The following GPAT3 variants were observed in gnomAD, a reference collection of about 807,000 sequenced individuals.
The protein encoded by GPAT3 is 1-AGP acyltransferase 9.
GPAT3 carries 53 observed loss-of-function variants against 58.8 expected under a neutral mutation model. That is an observed-to-expected ratio of 0.90 (90% CI 0.72 to 1.13). The LOEUF (loss-of-function observed/expected upper bound fraction) is 1.13. Ranked by LOEUF, GPAT3 falls within the 50% of genes most tolerant of loss-of-function variation. The pLI is 0.00. For missense variants in GPAT3, 511 were observed against 527.6 expected (o/e 0.97, Z 0.31); for synonymous variants, 197 against 187.4 (o/e 1.05, Z -0.42).
chr4:83,579,266 C>A (rs1181858111), intron 2 of GPAT3, among the ~76,000 whole-genome samples: 31 of 116,094 alleles, frequency 2.7e-4, no homozygotes, highest in African/African-American at 9.3e-4. Flanking sequence ...CCCTTCCCGC[C>A]CCTCCCCTCT....
chr4:83,577,791 T>C (rs958354141), intron 2 of GPAT3, among the ~76,000 whole-genome samples: 1 of 132,866 alleles, frequency 7.5e-6, no homozygotes, highest in Admixed American at 7.5e-5. Context: ...ATTGTGGCTT[T>C]TTTTTTTTTT....
intron 2 of GPAT3, among the ~76,000 whole-genome samples, chr4:83,566,646 C>T (rs1471624410): frequency 6.6e-6 from 1 of 151,628 alleles, no homozygotes; most frequent in Non-Finnish European, 1.5e-5. Context: ...GGAAATACAA[C>T]AACCCATTTT....
At chr4:83,540,169 A>G (rs1724244616) in intron 1 of GPAT3, among the ~76,000 whole-genome samples, 1 of 151,990 alleles carries the variant, frequency 6.6e-6, no homozygotes, top group African/African-American at 2.4e-5. Flanking sequence ...AAAAAAAAAA[A>G]AAAAAAAAGA....
chr4:83,554,458 AG>A (rs2110078093), intron 2 of GPAT3, among the ~76,000 whole-genome samples: 1 of 152,220 alleles, frequency 6.6e-6, no homozygotes, highest in East Asian at 1.9e-4. Flanking sequence ...AAAACTCCAA[AG>A]CTTCTTTATT....
chr4:83,536,681 G>T lies in GPAT3; in HGVS notation c.59G>T (p.Gly20Val). 2 of 1,613,644 alleles carry T rather than the reference G, an allele frequency of 1.2e-6. No homozygotes were observed. Among genetic ancestry groups the T allele is most frequent in the African/African-American group, 1.3e-5 (1 of 75,036 alleles). The change falls in exon 1 of 12, where the codon GGC becomes GTC. Residue 20 changes from glycine to valine, a missense_variant. Gly to Val is a moderately radical substitution (Grantham distance 109). Transcript: ENST00000264409. ...ILSTWLTLVL[G>V]FILLPSVFGV... is the part of the protein sequence containing the mutation. ...TCCACCTGGCTGACGCTGGTTCTCGGCTTCATCCTTTTACCTTCGGTCTTC... is the reference window on the plus strand; with the variant it reads ...TCCACCTGGCTGACGCTGGTTCTCGTCTTCATCCTTTTACCTTCGGTCTTC...
chr4:83,594,900 C>T lies in GPAT3; in HGVS notation c.794C>T (p.Ala265Val), dbSNP rs780918250. 1 of 1,613,986 alleles carries T rather than the reference C, an allele frequency of 6.2e-7. No homozygotes were observed. Among genetic ancestry groups the T allele is most frequent in the Non-Finnish European group, 8.5e-7 (1 of 1,179,906 alleles). Residue 265 changes from alanine (A) to valine (V), a missense_variant, in exon 7 of 12, where the codon GCT (alanine) becomes GTT (valine). Ala to Val is a moderately conservative substitution (Grantham distance 64). Transcript: ENST00000264409. The stretch of plus-strand genomic sequence containing the variant: ...ATTATTCAGAGAGCTATGGTCAAGG[C>T]TTGTCCTCATGTCTGGTTTGAACGC... ...MGIIQRAMVK[A>V]CPHVWFERSE...
intron 2 of GPAT3, among the ~76,000 whole-genome samples, chr4:83,570,710 T>A (rs945135429): frequency 1.3e-5 from 2 of 152,132 alleles, no homozygotes; most frequent in African/African-American, 4.8e-5. Flanking sequence ...TGATCTCAGG[T>A]GATCCACCCG....
chr4:83,581,859 G>T, intron 3 of GPAT3, 27 bp downstream of exon 3: 2 of 1,582,174 alleles, frequency 1.3e-6, no homozygotes, highest in South Asian at 1.2e-5. Context: ...GTAATTTGAT[G>T]ATACGCTTGA....
intron 2 of GPAT3, among the ~76,000 whole-genome samples, chr4:83,554,680 ACTTTCTACTACT>A (rs1308005888): frequency 6.6e-6 from 1 of 151,628 alleles, no homozygotes; most frequent in East Asian, 1.9e-4. Flanking sequence ...CCCTGTTACC[ACTTTCTACTACT>A]GTCTTACTAT....
chr4:83,604,329 C>T (rs1171474376), intron 11 of GPAT3, among the ~76,000 whole-genome samples: 3 of 152,170 alleles, frequency 2.0e-5, no homozygotes, highest in Non-Finnish European at 2.9e-5. Context: ...CCTTGGCCTC[C>T]CAAAGTGCTG....
chr4:83,552,739 G>T lies in GPAT3; in HGVS notation c.208+8137G>T, dbSNP rs571978220. ...GACTGGCATATAACTGTGCTTTATGGACTGAATGTCTATGTCCCCCCCTTC... is the reference window on the plus strand; with the variant it reads ...GACTGGCATATAACTGTGCTTTATGTACTGAATGTCTATGTCCCCCCCTTC... On this transcript the variant is annotated intron_variant, in intron 2 of 11. Coordinates refer to ENST00000264409, the MANE Select transcript of GPAT3 (RefSeq NM_032717.5). Among the ~76,000 whole-genome samples the T allele has an allele frequency of 3.3e-5, 5 of 152,274 alleles. No homozygotes were observed. The South Asian group carries it at 1.0e-3, about 32-fold the overall frequency.
intron 3 of GPAT3, among the ~76,000 whole-genome samples, chr4:83,585,464 T>A (rs1726342882): frequency 6.6e-6 from 1 of 150,680 alleles, no homozygotes; most frequent in Non-Finnish European, 1.5e-5. Flanking sequence ...ATATTTATAC[T>A]TTTTTTTACG....
upstream of GPAT3, chr4:83,535,853 T>C: frequency 2.0e-6 from 2 of 985,418 alleles, no homozygotes; most frequent in Non-Finnish European, 2.4e-6. Flanking sequence ...AAACAAGACC[T>C]CAAGCGTCCC....
chr4:83,574,974 T>C (rs1430115703), intron 2 of GPAT3, among the ~76,000 whole-genome samples: 1 of 150,434 alleles, frequency 6.6e-6, no homozygotes, highest in Non-Finnish European at 1.5e-5. Context: ...CCCCTGGGGT[T>C]CACGCCATTC....
chr4:83,541,976 G>A (rs1474187767), intron 1 of GPAT3, among the ~76,000 whole-genome samples: 1 of 152,130 alleles, frequency 6.6e-6, no homozygotes, highest in Non-Finnish European at 1.5e-5. Context: ...CCCACCCTAA[G>A]GGCTTCTTTT....
chr4:83,576,453 TTTAC>T (rs980433301), intron 2 of GPAT3, among the ~76,000 whole-genome samples: 3 of 149,966 alleles, frequency 2.0e-5, no homozygotes, highest in Non-Finnish European at 3.0e-5. Flanking sequence ...TATTTATTTA[TTTAC>T]TTTTGAGACA....
rs376960951 is a variant in GPAT3 at position 83,594,832 on chromosome 4, A to T, written c.739-13A>T. The T allele has an allele frequency of 1.0e-4, 161 of 1,608,950 alleles. No homozygotes were observed. Among genetic ancestry groups the T allele is most frequent in the Non-Finnish European group, 1.2e-4 (146 of 1,177,664 alleles). On this transcript the variant is annotated splice_polypyrimidine_tract_variant and intron_variant, in intron 6 of 11. Coordinates refer to ENST00000264409, the MANE Select transcript of GPAT3 (RefSeq NM_032717.5). ...GCCTTTTACGTTTTTTCCTTTTCTT[A>T]TGCTACTTCTAGGTTGGCCAGGTTC...
chr4:83,558,048 A>G (rs1345372992), intron 2 of GPAT3, among the ~76,000 whole-genome samples: 2 of 152,126 alleles, frequency 1.3e-5, no homozygotes, highest in Non-Finnish European at 2.9e-5. Flanking sequence ...TCCCATCTCT[A>G]CTAAAAATAC....
At chr4:83,574,767 A>T (rs1725732721) in intron 2 of GPAT3, among the ~76,000 whole-genome samples, 1 of 148,668 alleles carries the variant, frequency 6.7e-6, no homozygotes, top group South Asian at 2.1e-4. Flanking sequence ...CTTTAATGAT[A>T]ACAAAACTAA....
Sources: allele counts gnomAD v4.1 joint callset (sites outside exome capture counted in the v4.1 genomes callset), GRCh38; gene constraint gnomAD v4.1.1; transcripts MANE v1.5; gene names NCBI Gene and HGNC (gene_info 2026-07-23, HGNC 2026-07-21).